The following TRAPPC6A variants were observed in gnomAD, a reference collection of about 807,000 sequenced individuals.
TRAPPC6A encodes the protein TRAPP complex subunit 6A.
A neutral mutation model predicts 20.8 loss-of-function variants in TRAPPC6A; 25 were observed. The ratio of observed to expected loss-of-function variants is 1.20; its 90% CI spans 0.88 to 1.68. TRAPPC6A has a LOEUF of 1.68. Ranked by LOEUF, TRAPPC6A falls within the 40% of genes most tolerant of loss-of-function variation. TRAPPC6A has a pLI of 0.00. For missense variants in TRAPPC6A, 215 were observed against 211.6 expected (o/e 1.02, Z -0.10); for synonymous variants, 96 against 93.3 (o/e 1.03, Z -0.16).
chr19:45,166,841 G>A (rs62118470), intron 1 of TRAPPC6A, among the ~76,000 whole-genome samples: 41,014 of 151,892 alleles, frequency 0.27, 6,105 homozygotes, highest in Non-Finnish European at 0.33. Flanking sequence ...CACCATCAGC[G>A]CAGCCATCCG....
intron 1 of TRAPPC6A, among the ~76,000 whole-genome samples, chr19:45,168,143 T>C (rs1031674227): frequency 3.3e-5 from 5 of 151,438 alleles, no homozygotes; most frequent in Non-Finnish European, 7.4e-5. Flanking sequence ...GCTGGCACTA[T>C]AGGCACCCGC....
chr19:45,167,545 C>A (rs1404197631), intron 1 of TRAPPC6A, among the ~76,000 whole-genome samples: 1 of 152,220 alleles, frequency 6.6e-6, no homozygotes, highest in Non-Finnish European at 1.5e-5. Context: ...TGCAACGGCG[C>A]GATCTCAGCT....
rs1172493147 is a variant in TRAPPC6A at position 45,164,970 on chromosome 19, C to G, written c.153G>C (p.Arg51Ser). 6.2e-7 allele frequency: 1 copy of G among 1,613,908 alleles called. No homozygotes were observed. The highest frequency in any genetic ancestry group is 1.3e-5 in the African/African-American group (1 of 74,924). ...TGAAGGCCAGCGTCTCCCGGGGCAG[C>G]CTGGTGGGGCAGTACCAAGCTGAGG... ...GFRVGQALGE[R>S]LPRETLAFRE... Residue 51 changes from arginine to serine, a missense_variant and splice_region_variant, in exon 3 of 6, where the codon AGG (arginine) becomes AGC (serine). Coordinates refer to ENST00000585934, the MANE Select transcript of TRAPPC6A (RefSeq NM_001270891.2).
At position 45,163,215 on chromosome 19, in the gene TRAPPC6A, G is replaced by A. The variant is rs1367632117; in HGVS notation, c.457C>T (p.Gln153Ter). The A allele has an allele frequency of 6.2e-7, 1 of 1,613,802 alleles. No homozygotes were observed. Among genetic ancestry groups the A allele is most frequent in the Non-Finnish European group, 8.5e-7 (1 of 1,179,882 alleles). ...GCTTAGGATTTCGGAATCACCACCTGGAACTTACCTGGAAGAGAAGGCCTG... is the reference window on the plus strand; with the variant it reads ...GCTTAGGATTTCGGAATCACCACCTAGAACTTACCTGGAAGAGAAGGCCTG... The part of the protein sequence containing the change: ...SVAALPVCKF[Q>*]VVIPKS Residue 153 changes from glutamine to a stop codon, truncating the protein, a stop_gained, in exon 6 of 6, where the codon CAG becomes TAG. Transcript: ENST00000585934. LOFTEE classifies it high-confidence loss of function. The surrounding 1 kb of genome is among the most constrained non-coding windows in gnomAD (Gnocchi z 5.3).
At chr19:45,176,634 TATG>T (rs1249225015) in intron 1 of TRAPPC6A, among the ~76,000 whole-genome samples, 2 of 149,982 alleles carry the variant, frequency 1.3e-5, no homozygotes, top group Non-Finnish European at 2.9e-5. Context: ...ATTTTTGATT[TATG>T]ATGTTTTAAA....
At position 45,174,843 on chromosome 19, in the gene TRAPPC6A, G is replaced by A. The variant is rs146317906; in HGVS notation, c.84+3292C>T. On this transcript the variant is annotated intron_variant, in intron 1 of 5. Transcript: ENST00000585934. ...GACTCTCTTTAAAAAAAAATCAGCC[G>A]GGCGTGGTGGCTCACGCCTGTAATC... is the stretch of plus-strand genomic sequence containing the variant. Among the ~76,000 whole-genome samples, 478 of 151,836 alleles carry A rather than the reference G, an allele frequency of 3.1e-3. 2 individuals carry two copies. The highest frequency in any genetic ancestry group is 0.011 in the African/African-American group (442 of 41,384).
chr19:45,177,046 C>T (rs373773262), intron 1 of TRAPPC6A, among the ~76,000 whole-genome samples: 1 of 152,174 alleles, frequency 6.6e-6, no homozygotes, highest in African/African-American at 2.4e-5. Context: ...GGTGTGGTGG[C>T]GCCAGCAGCG....
intron 1 of TRAPPC6A, 84 bp from the exon 2 acceptor site, chr19:45,165,278 C>A: frequency 7.6e-7 from 1 of 1,315,634 alleles, no homozygotes; most frequent in Non-Finnish European, 1.1e-6. Context: ...CCAGGGGACC[C>A]AAAGACCAAC....
At position 45,163,274 on chromosome 19, in the gene TRAPPC6A, G is replaced by A. The variant is rs1172382170; in HGVS notation, c.449-51C>T. On this transcript the variant is annotated intron_variant, in intron 5 of 5. Coordinates refer to ENST00000585934, the MANE Select transcript of TRAPPC6A (RefSeq NM_001270891.2). This position sits in a 1 kb window ranked among gnomAD's most constrained non-coding sequence, Gnocchi z 5.3. ...TTGAGGATGGGATGGGGGAGGCAGAGGGCACCTGGACGGCTCTTAGGCGCT... is the reference window on the plus strand; with the variant it reads ...TTGAGGATGGGATGGGGGAGGCAGAAGGCACCTGGACGGCTCTTAGGCGCT... The A allele has an allele frequency of 3.1e-6, 5 of 1,606,526 alleles. No homozygotes were observed. The Admixed American group carries it at 6.7e-5, about 22-fold the overall frequency.
intron 1 of TRAPPC6A, among the ~76,000 whole-genome samples, chr19:45,168,497 C>T (rs1053197470): frequency 7.9e-5 from 12 of 152,256 alleles, no homozygotes; most frequent in Non-Finnish European, 4.4e-5. Context: ...CACGGAGACC[C>T]GGGAGCTCAC....
At chr19:45,174,533 C>T (rs1308081111) in intron 1 of TRAPPC6A, among the ~76,000 whole-genome samples, 4 of 152,164 alleles carry the variant, frequency 2.6e-5, no homozygotes, top group Admixed American at 6.5e-5. Context: ...ACAATTCAGA[C>T]GCATCCTGGC....
Position 45,164,152 on chromosome 19 carries a change from C to T in TRAPPC6A, c.354+12G>A, listed in dbSNP as rs554599991. 6.3e-7 allele frequency: 1 copy of T among 1,595,406 alleles called. No individual in the cohort carries two copies. The highest frequency in any genetic ancestry group is 2.3e-5 in the East Asian group (1 of 44,356). Reference sequence around the variant, plus strand: ...AAGGGAGGTGTGGACAAGGCCCCAGCTCCCCCCATACCTTGGGTGCTTCCT... The same window carrying T: ...AAGGGAGGTGTGGACAAGGCCCCAGTTCCCCCCATACCTTGGGTGCTTCCT... On this transcript the variant is annotated intron_variant, in intron 4 of 5. Transcript: ENST00000585934.
intron 1 of TRAPPC6A, among the ~76,000 whole-genome samples, chr19:45,175,972 A>C (rs1969363966): frequency 6.6e-6 from 1 of 152,060 alleles, no homozygotes; most frequent in South Asian, 2.1e-4. Flanking sequence ...GAGTCCAAAA[A>C]TTTTTGATGG....
chr19:45,171,328 AAAC>A (rs1210375869), intron 1 of TRAPPC6A, among the ~76,000 whole-genome samples: 1 of 151,064 alleles, frequency 6.6e-6, no homozygotes, highest in Non-Finnish European at 1.5e-5. Context: ...AAACAAAACA[AAAC>A]AAAACAGAAG....
At position 45,163,342 on chromosome 19, in the gene TRAPPC6A, G is replaced by A. The variant is rs1430761540; in HGVS notation, c.449-119C>T. 1 of 1,113,742 alleles carries A rather than the reference G, an allele frequency of 9.0e-7. No individual in the cohort carries two copies. The highest frequency in any genetic ancestry group is 1.3e-6 in the Non-Finnish European group (1 of 756,718). The allele number at this position is 1,113,742 out of a possible 1,614,324, so 69.0% of individuals were successfully genotyped here. A position where few individuals can be genotyped will look rare whatever the true frequency, so the allele number is the denominator to read the frequency against. On this transcript the variant is annotated intron_variant, in intron 5 of 5. Coordinates refer to ENST00000585934, the MANE Select transcript of TRAPPC6A (RefSeq NM_001270891.2). The surrounding 1 kb of genome is among the most constrained non-coding windows in gnomAD (Gnocchi z 5.3). ...GACACCCCAGTGGCTAGGTTGGGCT[G>A]TTTCCTCCCGCCCACGGGGCCGCAT...
intron 1 of TRAPPC6A, among the ~76,000 whole-genome samples, chr19:45,177,490 G>A (rs926427468): frequency 1.3e-5 from 2 of 151,998 alleles, no homozygotes; most frequent in African/African-American, 4.8e-5. Flanking sequence ...ACAGGTACCC[G>A]CCATCATGCT....
intron 3 of TRAPPC6A, 32 bp from the exon 4 acceptor site, chr19:45,164,279 CG>C: frequency 2.0e-6 from 3 of 1,476,234 alleles, no homozygotes; most frequent in Non-Finnish European, 2.8e-6. Flanking sequence ...TGGGTGGGGT[CG>C]GGGCCTGTAC....
At chr19:45,176,530 C>G (rs1294519611) in intron 1 of TRAPPC6A, among the ~76,000 whole-genome samples, 1 of 152,060 alleles carries the variant, frequency 6.6e-6, no homozygotes, top group African/African-American at 2.4e-5. Context: ...GTTGCCCAGG[C>G]TAGTCTTGAA....
At position 45,163,193 on chromosome 19, in the gene TRAPPC6A, T is replaced by A. The variant is rs1253071684; in HGVS notation, c.479A>T (p.Ter160LeuextTer77). Residue 160 changes from the stop codon to leucine (L), a stop_lost, in exon 6 of 6, where the codon TAA becomes TTA. Coordinates refer to ENST00000585934, the MANE Select transcript of TRAPPC6A (RefSeq NM_001270891.2). This position sits in a 1 kb window ranked among gnomAD's most constrained non-coding sequence, Gnocchi z 5.3. ...CGGCTCAGCAGGTGCGAGGCAGGCT[T>A]AGGATTTCGGAATCACCACCTGGAA... Reference protein sequence around the residue: ...CKFQVVIPKS* With the variant: ...CKFQVVIPKSL The A allele has an allele frequency of 2.2e-5, 35 of 1,613,714 alleles. No homozygotes were observed. Among genetic ancestry groups the A allele is most frequent in the Non-Finnish European group, 2.8e-5 (33 of 1,179,856 alleles).
Sources: allele counts gnomAD v4.1 joint callset (sites outside exome capture counted in the v4.1 genomes callset), GRCh38; gene constraint gnomAD v4.1.1; non-coding constraint Gnocchi (gnomAD v3.1); transcripts MANE v1.5; gene names NCBI Gene and HGNC (gene_info 2026-07-23, HGNC 2026-07-21).